The following SCHIP1 variants were observed in gnomAD, a reference collection of about 807,000 sequenced individuals.
The protein encoded by SCHIP1 is schwannomin interacting protein 1.
A neutral mutation model predicts 29.7 loss-of-function variants in SCHIP1; 8 were observed. The observed-to-expected ratio is 0.27, with a 90% CI of 0.16 to 0.49. The LOEUF (loss-of-function observed/expected upper bound fraction) is 0.49, where lower values mean the gene tolerates loss of function less well. Ranked by LOEUF, SCHIP1 falls within the 20% of genes least tolerant of loss-of-function variation. The pLI, the probability that SCHIP1 is intolerant of heterozygous loss-of-function variation, is 0.99. For synonymous variants in SCHIP1, 76 were observed against 94.9 expected (o/e 0.80, Z 1.16); for missense variants, 193 against 294.6 (o/e 0.66, Z 2.52).
the SCHIP1 span, among the ~76,000 whole-genome samples, chr3:159,758,728 T>A: frequency 6.6e-6 from 1 of 152,226 alleles, no homozygotes; most frequent in Non-Finnish European, 1.5e-5. Context: ...CATTGCCATC[T>A]ATGTGAATGG....
chr3:159,347,751 A>T, the SCHIP1 span, among the ~76,000 whole-genome samples: 1 of 152,180 alleles, frequency 6.6e-6, no homozygotes, highest in African/African-American at 2.4e-5. Context: ...ATTTTTAATC[A>T]TTCACAAGAA....
At chr3:159,706,523 G>A in the SCHIP1 span, among the ~76,000 whole-genome samples, 1 of 152,174 alleles carries the variant, frequency 6.6e-6, no homozygotes, top group Non-Finnish European at 1.5e-5. Context: ...TAATAAATCT[G>A]GTCAGACCAT....
At chr3:159,636,178 G>C in the SCHIP1 span, among the ~76,000 whole-genome samples, 1 of 152,180 alleles carries the variant, frequency 6.6e-6, no homozygotes, top group Non-Finnish European at 1.5e-5. Context: ...CCCCAGAGTA[G>C]CTGGGACAAC....
chr3:159,420,648 C>A, the SCHIP1 span, among the ~76,000 whole-genome samples: 1 of 152,294 alleles, frequency 6.6e-6, no homozygotes, highest in East Asian at 1.9e-4. Flanking sequence ...TCTCAAAAGA[C>A]AATTTGTCCT....
the SCHIP1 span, among the ~76,000 whole-genome samples, chr3:159,497,315 T>A: frequency 1.3e-5 from 2 of 152,032 alleles, no homozygotes; most frequent in African/African-American, 4.8e-5. Flanking sequence ...ATATTCAAGT[T>A]GATACCACTC....
the SCHIP1 span, among the ~76,000 whole-genome samples, chr3:159,372,031 A>G: frequency 2.0e-5 from 3 of 152,174 alleles, no homozygotes; most frequent in Admixed American, 2.0e-4. Flanking sequence ...ACAAAAGACA[A>G]TAATATGCAT....
the SCHIP1 span, among the ~76,000 whole-genome samples, chr3:159,351,906 T>C: frequency 6.6e-6 from 1 of 152,222 alleles, no homozygotes; most frequent in Admixed American, 6.5e-5. Flanking sequence ...TCATTATCCC[T>C]ACCAATGTGG....
intron 1 of SCHIP1, among the ~76,000 whole-genome samples, chr3:159,865,024 G>A (rs903180747): frequency 6.6e-6 from 1 of 152,066 alleles, no homozygotes; most frequent in African/African-American, 2.4e-5. Flanking sequence ...TTTTCAGTGC[G>A]CCCTTCCCAC....
chr3:159,573,541 A>C, the SCHIP1 span, among the ~76,000 whole-genome samples: 1 of 152,052 alleles, frequency 6.6e-6, no homozygotes, highest in African/African-American at 2.4e-5. Flanking sequence ...TGCCCTTAAC[A>C]CTTTTTCCTT....
At chr3:159,508,728 C>T in the SCHIP1 span, among the ~76,000 whole-genome samples, 1 of 152,110 alleles carries the variant, frequency 6.6e-6, no homozygotes, top group Non-Finnish European at 1.5e-5. Context: ...GTTATGTACC[C>T]AGTAGTCATT....
chr3:159,803,106 C>T, the SCHIP1 span, among the ~76,000 whole-genome samples: 1 of 152,154 alleles, frequency 6.6e-6, no homozygotes, highest in Non-Finnish European at 1.5e-5. Context: ...TGACCTCACA[C>T]ACATGCTGCA....
At chr3:159,668,364 G>A in the SCHIP1 span, among the ~76,000 whole-genome samples, 10 of 121,100 alleles carry the variant, frequency 8.3e-5, no homozygotes, top group South Asian at 9.1e-4. Context: ...GCGACAGAGC[G>A]AGACTCCGTC....
the SCHIP1 span, among the ~76,000 whole-genome samples, chr3:159,604,153 T>C: frequency 6.6e-6 from 1 of 152,142 alleles, no homozygotes. Context: ...AAAATGTAAA[T>C]GTAACTGTGA....
intron 2 of SCHIP1, among the ~76,000 whole-genome samples, chr3:159,875,005 C>A (rs1715643200): frequency 1.4e-5 from 2 of 144,494 alleles, no homozygotes. Context: ...ATTTGAAAGG[C>A]CACTGGGTAG....
At chr3:159,769,538 T>C in the SCHIP1 span, among the ~76,000 whole-genome samples, 1 of 152,026 alleles carries the variant, frequency 6.6e-6, no homozygotes, top group African/African-American at 2.4e-5. Context: ...TCACCTGAGG[T>C]CAGGAGTTCG....
chr3:159,877,709 A>G lies in SCHIP1; in HGVS notation c.150-8498A>G, dbSNP rs370450210. On this transcript the variant is annotated intron_variant, in intron 2 of 6. Coordinates refer to ENST00000445224, the Ensembl canonical transcript of SCHIP1. ...TACCCAGTCCGCATGAACATTTTCA[A>G]AGGTCTGGAAGGGGAAAAGTATTTC... Among the ~76,000 whole-genome samples the G allele has an allele frequency of 5.6e-4, 86 of 152,318 alleles. 1 individual carries two copies. The highest frequency in any genetic ancestry group is 2.0e-3 in the African/African-American group (85 of 41,558).
chr3:159,747,336 C>T, the SCHIP1 span, among the ~76,000 whole-genome samples: 71 of 152,314 alleles, frequency 4.7e-4, no homozygotes, highest in Non-Finnish European at 8.1e-4. Flanking sequence ...TTCCTTGTCT[C>T]TGTGAGTCCT....
the SCHIP1 span, among the ~76,000 whole-genome samples, chr3:159,542,512 CAG>C: frequency 6.6e-6 from 1 of 152,038 alleles, no homozygotes; most frequent in African/African-American, 2.4e-5. Flanking sequence ...CATAATCACT[CAG>C]AGATTCACCC....
chr3:159,748,831 T>G, the SCHIP1 span, among the ~76,000 whole-genome samples: 2 of 152,220 alleles, frequency 1.3e-5, no homozygotes, highest in Non-Finnish European at 2.9e-5. Flanking sequence ...TCTCTGTTGC[T>G]GGATAATCTA....
Sources: gnomAD v4.1 joint callset for allele counts (sites outside exome capture counted in the v4.1 genomes callset) on GRCh38, gnomAD v4.1.1 for gene constraint, MANE v1.5 for transcripts, NCBI Gene and HGNC (gene_info 2026-07-23, HGNC 2026-07-21) for gene names.